Variants in MAST4 observed in about 807,000 individuals in gnomAD.
MAST4 encodes microtubule-associated serine/threonine-protein kinase 4.
MAST4 carries 89 observed loss-of-function variants against 162.7 expected under a neutral mutation model. The observed-to-expected ratio is 0.55, with a 90% CI of 0.46 to 0.65. MAST4 has a LOEUF of 0.65. MAST4 is among the 30% of genes least tolerant of loss of function. The pLI is 0.00. For missense variants in MAST4, 3,153 were observed against 3,374.0 expected (o/e 0.93, Z 1.62); for synonymous variants, 1,479 against 1,361.1 (o/e 1.09, Z -1.91).
intron 1 of MAST4, among the ~76,000 whole-genome samples, chr5:66,759,410 A>G (rs753189442): frequency 2.6e-5 from 4 of 152,138 alleles, no homozygotes; most frequent in Admixed American, 6.5e-5. Context: ...TTTCTGTTCT[A>G]TTGCATTAAA....
chr5:66,817,691 G>T (rs966247873), intron 3 of MAST4, among the ~76,000 whole-genome samples: 2 of 152,120 alleles, frequency 1.3e-5, no homozygotes, highest in African/African-American at 4.8e-5. Context: ...TTTATTAGGT[G>T]ATAATGGGAG....
intron 3 of MAST4, among the ~76,000 whole-genome samples, chr5:66,837,281 TTCA>T (rs1694820371): frequency 1.3e-5 from 2 of 152,180 alleles, no homozygotes; most frequent in African/African-American, 4.8e-5. Context: ...TTTCTTTTTC[TTCA>T]TCATTATCAT....
chr5:66,957,321 C>T (rs1277925014), intron 4 of MAST4, among the ~76,000 whole-genome samples: 1 of 151,896 alleles, frequency 6.6e-6, no homozygotes, highest in Non-Finnish European at 1.5e-5. Flanking sequence ...AAGTTGAGGC[C>T]TCTTTTTTGT....
intron 4 of MAST4, among the ~76,000 whole-genome samples, chr5:66,947,246 C>G (rs1180432260): frequency 1.3e-5 from 2 of 152,052 alleles, no homozygotes; most frequent in African/African-American, 2.4e-5. Context: ...TTCTGCATGA[C>G]TTTTATGGTC....
In MAST4 at chr5:66,915,455, A is replaced by G. The variant is rs115901016; in HGVS notation, c.674+15473A>G. Reference sequence around the variant, plus strand: ...TTTTCAGAAGATTTCTAAAAAGGTTATCAAATAAAGCTAGTTTAAAAAAAG... The same window carrying G: ...TTTTCAGAAGATTTCTAAAAAGGTTGTCAAATAAAGCTAGTTTAAAAAAAG... On this transcript the variant is annotated intron_variant, in intron 4 of 28. Transcript: ENST00000403625. 8.0e-3 allele frequency among the ~76,000 whole-genome samples: 1,212 copies of G among 152,270 alleles called. 6 individuals are homozygous for G. The highest frequency in any genetic ancestry group is 0.012 in the Non-Finnish European group (839 of 68,028).
At chr5:66,655,090 G>A (rs1746462116) in intron 1 of MAST4, among the ~76,000 whole-genome samples, 5 of 152,116 alleles carry the variant, frequency 3.3e-5, no homozygotes, top group Admixed American at 3.3e-4. Flanking sequence ...CTTCACCACA[G>A]CAGCAACATT....
At chr5:67,085,694 C>T (rs956071307) in intron 5 of MAST4, among the ~76,000 whole-genome samples, 4 of 152,328 alleles carry the variant, frequency 2.6e-5, no homozygotes, top group Admixed American at 1.3e-4. Context: ...ATTCCACTGA[C>T]GGCCAATCAA....
intron 1 of MAST4, among the ~76,000 whole-genome samples, chr5:66,616,686 G>A (rs1326497850): frequency 2.0e-5 from 3 of 152,184 alleles, no homozygotes; most frequent in East Asian, 1.9e-4. Context: ...GCAGCTGGCC[G>A]GGGCCTCTGT....
At chr5:66,747,463 A>T (rs257713) in intron 1 of MAST4, among the ~76,000 whole-genome samples, 17,530 of 152,188 alleles carry the variant, frequency 0.12, 1,104 homozygotes, top group East Asian at 0.27. Flanking sequence ...ATTCTTTCTT[A>T]AAAAATATGG....
At chr5:66,607,853 A>T (rs1352262526) in intron 1 of MAST4, among the ~76,000 whole-genome samples, 1 of 151,950 alleles carries the variant, frequency 6.6e-6, no homozygotes, top group Non-Finnish European at 1.5e-5. Context: ...GTTGATTGAC[A>T]TTTTCTTTTT....
chr5:66,739,046 AAG>A (rs1462782934), intron 1 of MAST4, among the ~76,000 whole-genome samples: 1 of 152,020 alleles, frequency 6.6e-6, no homozygotes, highest in Non-Finnish European at 1.5e-5. Context: ...TACCGTGATG[AAG>A]AGTGCTTTAT....
At chr5:67,005,720 G>C (rs1751947531) in intron 4 of MAST4, among the ~76,000 whole-genome samples, 1 of 152,258 alleles carries the variant, frequency 6.6e-6, no homozygotes, top group Non-Finnish European at 1.5e-5. Context: ...CATGCCACAA[G>C]TGACAGGCAG....
At chr5:66,912,935 C>T (rs1424090050) in intron 4 of MAST4, among the ~76,000 whole-genome samples, 1 of 152,086 alleles carries the variant, frequency 6.6e-6, no homozygotes, top group Non-Finnish European at 1.5e-5. Flanking sequence ...GTTCATGTAA[C>T]CAAGAATTGT....
chr5:67,050,938 A>G (rs1758099774), intron 4 of MAST4, among the ~76,000 whole-genome samples: 1 of 152,234 alleles, frequency 6.6e-6, no homozygotes, highest in South Asian at 2.1e-4. Context: ...TAGCTGTTGA[A>G]GAATGAAGTC....
intron 3 of MAST4, chr5:66,828,627 C>A (rs1165944279): frequency 6.8e-6 from 4 of 586,550 alleles, no homozygotes; most frequent in Non-Finnish European, 9.0e-6. Flanking sequence ...GGTGTCTGAG[C>A]CCACTTGCTG....
chr5:66,679,224 G>C (rs1454843954), intron 1 of MAST4, among the ~76,000 whole-genome samples: 1 of 152,180 alleles, frequency 6.6e-6, no homozygotes, highest in Non-Finnish European at 1.5e-5. Context: ...GAGATAGTTC[G>C]TTCAGGGGAG....
At chr5:66,830,819 G>A (rs532429327) in intron 3 of MAST4, among the ~76,000 whole-genome samples, 35 of 152,264 alleles carry the variant, frequency 2.3e-4, no homozygotes, top group Non-Finnish European at 4.4e-4. Context: ...TAAGAGTAAC[G>A]CCACCTAGTG....
chr5:66,631,135 G>A (rs1379978727), intron 1 of MAST4, among the ~76,000 whole-genome samples: 1 of 152,132 alleles, frequency 6.6e-6, no homozygotes, highest in Non-Finnish European at 1.5e-5. Flanking sequence ...AAATTAGTTA[G>A]TATTGTGGGC....
At position 67,152,976 on chromosome 5, in the gene MAST4, G is replaced by T. The variant is rs750569324; in HGVS notation, c.3525+110G>T. The T allele has an allele frequency of 4.4e-6, 4 of 899,620 alleles. No homozygotes were observed. In the Admixed American group the frequency reaches 9.5e-5, roughly 21 times the overall value. The allele number at this position is 899,620 out of a possible 1,614,324, so 55.7% of individuals were successfully genotyped here. ...TATTTACTTTTAAGCTTGCATTTGC[G>T]ACCTGTTTCATTTTCCTTTTAGAGC... On this transcript the variant is annotated intron_variant, in intron 25 of 28. Transcript: ENST00000403625.
Sources: gnomAD v4.1 joint callset for allele counts (sites outside exome capture counted in the v4.1 genomes callset) on GRCh38, gnomAD v4.1.1 for gene constraint, MANE v1.5 for transcripts, NCBI Gene and HGNC (gene_info 2026-07-23, HGNC 2026-07-21) for gene names.